The following NRG4 variants were observed in gnomAD, a reference collection of about 807,000 sequenced individuals.
NRG4 encodes the protein neuregulin 4, also known as pro-neuregulin-4, membrane-bound isoform.
In NRG4, 10 loss-of-function variants were observed where a neutral mutation model predicts 15.0. The observed-to-expected ratio is 0.67, with a 90% confidence interval of 0.41 to 1.13. NRG4 has a LOEUF of 1.13. Ranked by LOEUF, NRG4 falls within the 50% of genes most tolerant of loss-of-function variation. NRG4 has a pLI of 0.00. For synonymous variants in NRG4, 41 were observed against 50.1 expected (o/e 0.82, Z 0.77); for missense variants, 139 against 140.2 (o/e 0.99, Z 0.04).
intron 4 of NRG4, among the ~76,000 whole-genome samples, chr15:76,044,552 T>A (rs574499265): frequency 2.7e-5 from 4 of 149,944 alleles, no homozygotes; most frequent in Non-Finnish European, 5.9e-5. Context: ...ATTTCTTGAG[T>A]AGGCCGGGTG....
chr15:76,054,565 C>T (rs1007895014), intron 2 of NRG4, among the ~76,000 whole-genome samples: 1 of 152,188 alleles, frequency 6.6e-6, no homozygotes, highest in Non-Finnish European at 1.5e-5. Context: ...CAGGCGCCCA[C>T]CACCACGCTC....
rs181555504 is a variant in NRG4 at position 76,007,155 on chromosome 15, C to T, written c.104+2045G>A. 2.4e-3 allele frequency among the ~76,000 whole-genome samples: 363 copies of T among 150,970 alleles called. 2 individuals are homozygous for T. The highest frequency in any genetic ancestry group is 2.6e-3 in the Non-Finnish European group (175 of 67,994). ...CTGCCTATTAGAAAATAAGGCTAAA[C>T]GTCATTGAGTCGAAGAATAAAGTTA... On this transcript the variant is annotated intron_variant, in intron 3 of 5. Coordinates refer to ENST00000394907, the MANE Select transcript of NRG4 (RefSeq NM_138573.4).
downstream of NRG4, chr15:75,938,410 G>A (rs2030590536): frequency 6.6e-6 from 1 of 152,104 alleles, no homozygotes; most frequent in South Asian, 2.1e-4. Flanking sequence ...AAAGGAACAG[G>A]AAAATAATGC....
upstream of NRG4, among the ~76,000 whole-genome samples, chr15:76,013,214 T>TA (rs1308759290): frequency 2.0e-5 from 3 of 151,950 alleles, no homozygotes; most frequent in Admixed American, 1.3e-4. Flanking sequence ...TCAAATACTC[T>TA]AAAAACAATC....
downstream of NRG4, chr15:75,935,988 C>G (rs1042710247): frequency 2.0e-5 from 3 of 151,978 alleles, no homozygotes; most frequent in Non-Finnish European, 4.4e-5. Context: ...GGGGTTTCAC[C>G]GTGTTAGCCA....
At chr15:75,959,177 G>T in intron 4 of NRG4, 1 of 382,564 alleles carries the variant, frequency 2.6e-6, no homozygotes, top group Non-Finnish European at 5.2e-6. Context: ...TTGTACAGAC[G>T]GGGTCTTGCT....
At chr15:76,038,537 G>A (rs1259477607) in intron 4 of NRG4, among the ~76,000 whole-genome samples, 1 of 152,226 alleles carries the variant, frequency 6.6e-6, no homozygotes, top group Non-Finnish European at 1.5e-5. Context: ...CTGTGAAAAG[G>A]AGAGGGAAAA....
At chr15:75,955,479 T>G (rs1271293760) in intron 5 of NRG4, among the ~76,000 whole-genome samples, 1 of 152,226 alleles carries the variant, frequency 6.6e-6, no homozygotes, top group East Asian at 1.9e-4. Flanking sequence ...TTTTTTGTTG[T>G]TTTAAGTAGA....
At chr15:75,993,906 G>A (rs1054218334) in intron 3 of NRG4, among the ~76,000 whole-genome samples, 3 of 151,926 alleles carry the variant, frequency 2.0e-5, no homozygotes, top group African/African-American at 7.3e-5. Flanking sequence ...CTGATAATAA[G>A]CAAATTTTCT....
chr15:75,972,619 A>T (rs1034421554), intron 3 of NRG4, among the ~76,000 whole-genome samples: 3 of 152,202 alleles, frequency 2.0e-5, no homozygotes, highest in African/African-American at 7.2e-5. Context: ...TCATTTATGA[A>T]GTGGAGAATC....
chr15:75,963,862 A>C (rs532125797), intron 3 of NRG4, among the ~76,000 whole-genome samples: 1 of 151,848 alleles, frequency 6.6e-6, no homozygotes, highest in Non-Finnish European at 1.5e-5. Context: ...AAGATCGCTT[A>C]AGCCTAGGAC....
At chr15:75,951,122 A>T (rs1256070259) in intron 5 of NRG4, 1 of 151,174 alleles carries the variant, frequency 6.6e-6, no homozygotes, top group African/African-American at 2.4e-5. Flanking sequence ...TATCACAGTA[A>T]TGGTAGAGCT....
chr15:76,024,943 A>G (rs1207494198), intron 5 of NRG4, among the ~76,000 whole-genome samples: 2 of 152,236 alleles, frequency 1.3e-5, no homozygotes, highest in Non-Finnish European at 2.9e-5. Context: ...CCAAATGCAT[A>G]GAAATTAATG....
At chr15:76,010,969 T>C (rs2034789124) in intron 2 of NRG4, among the ~76,000 whole-genome samples, 1 of 152,112 alleles carries the variant, frequency 6.6e-6, no homozygotes, top group Non-Finnish European at 1.5e-5. Flanking sequence ...ATTTCAGATA[T>C]AGGACAAGCT....
intron 5 of NRG4, among the ~76,000 whole-genome samples, chr15:76,027,650 A>T (rs1378264142): frequency 6.6e-6 from 1 of 152,170 alleles, no homozygotes; most frequent in Non-Finnish European, 1.5e-5. Flanking sequence ...CTAGCCAGAA[A>T]ATCAACAAAG....
chr15:76,049,011 T>C (rs981893106), intron 4 of NRG4, among the ~76,000 whole-genome samples: 1 of 150,132 alleles, frequency 6.7e-6, no homozygotes, highest in Non-Finnish European at 1.5e-5. Flanking sequence ...GCCACTGTAC[T>C]CCAGCCTGGG....
chr15:75,967,619 A>G (rs1375216701), intron 3 of NRG4, among the ~76,000 whole-genome samples: 2 of 151,722 alleles, frequency 1.3e-5, no homozygotes, highest in Non-Finnish European at 2.9e-5. Flanking sequence ...GCACCACCAC[A>G]CCCAGCTAAT....
chr15:75,952,996 GC>G (rs1167215375), intron 5 of NRG4, among the ~76,000 whole-genome samples: 1 of 152,116 alleles, frequency 6.6e-6, no homozygotes, highest in East Asian at 1.9e-4. Context: ...ATCCTTGGAA[GC>G]ACAAAAGTTT....
chr15:75,971,669 T>C (rs1469906737), intron 3 of NRG4, among the ~76,000 whole-genome samples: 1 of 152,230 alleles, frequency 6.6e-6, no homozygotes, highest in Non-Finnish European at 1.5e-5. Flanking sequence ...TAAGTTCTTA[T>C]GTAATTTGAA....
Sources: allele counts gnomAD v4.1 joint callset (sites outside exome capture counted in the v4.1 genomes callset), GRCh38; gene constraint gnomAD v4.1.1; transcripts MANE v1.5; gene names NCBI Gene and HGNC (gene_info 2026-07-23, HGNC 2026-07-21).